Variants in PDE4B observed in about 807,000 individuals in gnomAD.
PDE4B encodes 3',5'-cyclic-AMP phosphodiesterase 4B.
In PDE4B, 20 loss-of-function variants were observed where a neutral mutation model predicts 82.2. The observed-to-expected ratio is 0.24, with a 90% CI of 0.17 to 0.35. The LOEUF (loss-of-function observed/expected upper bound fraction) is 0.35. Among genes scored for constraint, PDE4B ranks in the 10% least tolerant of loss-of-function variants. PDE4B has a pLI of 1.00. For synonymous variants in PDE4B, 320 were observed against 318.9 expected, an observed-to-expected ratio of 1.00 and a Z score of -0.04; for missense variants, 655 against 907.2, an observed-to-expected ratio of 0.72 and a Z score of 3.57.
At chr1:65,883,784 G>A (rs1180042473) in intron 1 of PDE4B, among the ~76,000 whole-genome samples, 1 of 152,120 alleles carries the variant, frequency 6.6e-6, no homozygotes, top group Non-Finnish European at 1.5e-5. Context: ...TATGATATTG[G>A]CTGTGGGTTT....
At chr1:66,116,724 C>T (rs373954368) in intron 3 of PDE4B, among the ~76,000 whole-genome samples, 29 of 152,148 alleles carry the variant, frequency 1.9e-4, no homozygotes, top group Middle Eastern at 3.4e-3. Context: ...CCACCACACC[C>T]GGCTGATCTT....
At chr1:65,980,272 C>T (rs1379436790) in intron 3 of PDE4B, among the ~76,000 whole-genome samples, 3 of 151,962 alleles carry the variant, frequency 2.0e-5, no homozygotes, top group Admixed American at 2.0e-4. Flanking sequence ...AAATTTTTCC[C>T]CAGTAGAGCC....
At chr1:65,921,125 C>A (rs961882281) in intron 3 of PDE4B, among the ~76,000 whole-genome samples, 4 of 150,896 alleles carry the variant, frequency 2.7e-5, no homozygotes, top group African/African-American at 9.7e-5. Flanking sequence ...CCTGCCACTA[C>A]GCCCGGCTAA....
chr1:66,194,352 T>G (rs184082325), intron 3 of PDE4B, among the ~76,000 whole-genome samples: 1 of 152,162 alleles, frequency 6.6e-6, no homozygotes, highest in African/African-American at 2.4e-5. Flanking sequence ...GAATATGCTA[T>G]GTTAACATCA....
At chr1:65,951,051 C>T (rs2100571214) in intron 3 of PDE4B, among the ~76,000 whole-genome samples, 1 of 152,204 alleles carries the variant, frequency 6.6e-6, no homozygotes, top group Middle Eastern at 3.4e-3. Context: ...CTATGTTTAA[C>T]AAGGGACCGT....
rs74654689 is a variant in PDE4B at position 65,936,057 on chromosome 1, TA to T, written c.281+17225del. On this transcript the variant is annotated intron_variant, in intron 3 of 16. Transcript: ENST00000341517. ...TTCTTTTTTTTTCTTTTTTACGTTT[TA>T]AAGTTTTTTGTTAAAAACGAAGACA... 3.9e-5 allele frequency among the ~76,000 whole-genome samples: 6 copies of T among 152,314 alleles called. No individual in the cohort carries two copies. The East Asian group carries it at 1.2e-3, about 29-fold the overall frequency.
intron 3 of PDE4B, among the ~76,000 whole-genome samples, chr1:65,935,621 T>C (rs1443462934): frequency 6.6e-6 from 1 of 152,248 alleles, no homozygotes; most frequent in Non-Finnish European, 1.5e-5. Context: ...AAAAACTTCT[T>C]AACTTTTTAT....
At chr1:65,956,793 T>A (rs1351216662) in intron 3 of PDE4B, among the ~76,000 whole-genome samples, 5 of 152,122 alleles carry the variant, frequency 3.3e-5, no homozygotes, top group African/African-American at 1.2e-4. Flanking sequence ...GTGATTGCTG[T>A]CTTAGAGGGT....
chr1:65,925,762 G>A (rs936355158), intron 3 of PDE4B, among the ~76,000 whole-genome samples: 1 of 152,152 alleles, frequency 6.6e-6, no homozygotes, highest in African/African-American at 2.4e-5. Flanking sequence ...TCAGAATAAG[G>A]TTCACCATAG....
At chr1:66,215,422 T>C (rs1650373109) in intron 3 of PDE4B, among the ~76,000 whole-genome samples, 1 of 152,198 alleles carries the variant, frequency 6.6e-6, no homozygotes, top group African/African-American at 2.4e-5. Flanking sequence ...TCCTAGTTTG[T>C]AGCTATGCTA....
intron 13 of PDE4B, chr1:66,367,398 G>T (rs963599171): frequency 1.9e-5 from 4 of 215,966 alleles, no homozygotes; most frequent in Non-Finnish European, 3.7e-5. Flanking sequence ...TAGCTGCTCA[G>T]GAATGCCCTT....
intron 3 of PDE4B, among the ~76,000 whole-genome samples, chr1:66,244,705 A>T (rs1653163636): frequency 6.6e-6 from 1 of 152,170 alleles, no homozygotes; most frequent in African/African-American, 2.4e-5. Context: ...ATGAAAGGCC[A>T]TTTGTCTCCC....
intron 3 of PDE4B, among the ~76,000 whole-genome samples, chr1:66,064,295 A>G (rs1021144251): frequency 2.6e-5 from 4 of 151,934 alleles, no homozygotes; most frequent in Non-Finnish European, 5.9e-5. Context: ...GACAGTGGGA[A>G]GCCTAGGTCT....
intron 3 of PDE4B, among the ~76,000 whole-genome samples, chr1:66,190,969 C>T (rs1647751950): frequency 6.6e-6 from 1 of 152,118 alleles, no homozygotes; most frequent in South Asian, 2.1e-4. Flanking sequence ...CCTATTCAGC[C>T]ATCTTGACTC....
chr1:66,197,418 C>G (rs930205008), intron 3 of PDE4B, among the ~76,000 whole-genome samples: 2 of 152,034 alleles, frequency 1.3e-5, no homozygotes, highest in African/African-American at 4.8e-5. Flanking sequence ...TCTCTCATAG[C>G]TTGCAGCAGT....
intron 3 of PDE4B, among the ~76,000 whole-genome samples, chr1:65,981,473 A>C (rs1650683692): frequency 6.6e-6 from 1 of 151,824 alleles, no homozygotes; most frequent in Non-Finnish European, 1.5e-5. Context: ...GATACAACTT[A>C]ATTGGAGTTA....
chr1:66,348,459 T>C (rs1023951495), intron 8 of PDE4B, among the ~76,000 whole-genome samples: 1 of 152,122 alleles, frequency 6.6e-6, no homozygotes, highest in Non-Finnish European at 1.5e-5. Context: ...GTATATGAAA[T>C]GAAATTGTGA....
At chr1:66,024,237 A>G (rs972773941) in intron 3 of PDE4B, among the ~76,000 whole-genome samples, 5 of 152,150 alleles carry the variant, frequency 3.3e-5, no homozygotes, top group African/African-American at 9.6e-5. Context: ...TTTTGATAGT[A>G]TTCAGTAGGT....
intron 8 of PDE4B, among the ~76,000 whole-genome samples, chr1:66,336,533 G>C (rs1438728563): frequency 6.6e-6 from 1 of 152,192 alleles, no homozygotes; most frequent in Non-Finnish European, 1.5e-5. Context: ...GCCCTCCACT[G>C]TCCTTTTCAT....
Sources: allele counts gnomAD v4.1 joint callset (sites outside exome capture counted in the v4.1 genomes callset), GRCh38; gene constraint gnomAD v4.1.1; transcripts MANE v1.5; gene names NCBI Gene and HGNC (gene_info 2026-07-23, HGNC 2026-07-21).